ARPC1B: variants seen among roughly 807,000 people sequenced by gnomAD.
ARPC1B encodes the protein actin related protein 2/3 complex subunit 1B.
Under a neutral mutation model 46.0 loss-of-function variants are expected in ARPC1B, and 29 were observed. That is an observed-to-expected ratio of 0.63 (90% confidence interval 0.47 to 0.86). The LOEUF is 0.86. Among genes scored for constraint, ARPC1B ranks in the 40% least tolerant of loss-of-function variants. ARPC1B has a pLI of 0.00. For synonymous variants in ARPC1B, 201 were observed against 213.9 expected (o/e 0.94, Z 0.53); for missense variants, 469 against 529.4 (o/e 0.89, Z 1.12).
chr7:99,388,228 T>A lies in ARPC1B; in HGVS notation c.359T>A (p.Ile120Asn), dbSNP rs1334827777. The A allele has an allele frequency of 6.2e-7, 1 of 1,614,064 alleles. No homozygotes were observed. The highest frequency in any genetic ancestry group is 8.5e-7 in the Non-Finnish European group (1 of 1,179,970). ...KFAVGSGSRV[I>N]SICYFEQEND... ...GCTGTGGGCAGCGGCTCTCGTGTGA[T>A]CTCCATCTGTTATTTCGAGCAGGAG... Residue 120 changes from isoleucine (I) to asparagine (N), a missense_variant, in exon 4 of 10, where the codon ATC becomes AAC. By Grantham distance (149) the Ile-to-Asn change is moderately radical. Transcript: ENST00000646101.
At chr7:99,378,795 G>A (rs867424739) in intron 1 of ARPC1B, among the ~76,000 whole-genome samples, 2 of 16,182 alleles carry the variant, frequency 1.2e-4, no homozygotes, top group African/African-American at 1.3e-3. Context: ...TTTTTTTTTT[G>A]AGATGGAGTC....
intron 1 of ARPC1B, among the ~76,000 whole-genome samples, chr7:99,379,904 G>T (rs1439747081): frequency 6.6e-6 from 1 of 151,464 alleles, no homozygotes; most frequent in African/African-American, 2.4e-5. Context: ...CTCGGCCTCC[G>T]AAAGTGCTGG....
intron 4 of ARPC1B, chr7:99,389,006 A>C (rs894202279): frequency 7.1e-6 from 1 of 140,632 alleles, no homozygotes; most frequent in African/African-American, 2.8e-5. Context: ...GCACAATCTC[A>C]GCTCACCGCA....
chr7:99,377,968 C>T (rs551312846), intron 1 of ARPC1B, among the ~76,000 whole-genome samples: 1 of 152,224 alleles, frequency 6.6e-6, no homozygotes, highest in East Asian at 1.9e-4. Context: ...AATTACGTAG[C>T]ATCTCAACAT....
At chr7:99,388,477 C>A (rs1176209757) in intron 4 of ARPC1B, among the ~76,000 whole-genome samples, 2 of 152,162 alleles carry the variant, frequency 1.3e-5, no homozygotes, top group African/African-American at 4.8e-5. Flanking sequence ...AGAAACACAT[C>A]TGGGGGCACC....
rs780560823 is a variant in ARPC1B at position 99,385,686 on chromosome 7, CCT to C, written c.-13-10_-13-9del. ...TTGGGGCTGACGTGGATTCTCTCTT[CCT>C]CTCTCGGGCACAGGAGCCAAGCCGC... On this transcript the variant is annotated splice_polypyrimidine_tract_variant and intron_variant, in intron 1 of 9. Transcript: ENST00000646101. 9.7e-5 allele frequency: 155 copies of C among 1,600,438 alleles called. No individual in the cohort carries two copies. Among genetic ancestry groups the C allele is most frequent in the African/African-American group, 1.1e-4 (8 of 74,948 alleles).
At chr7:99,375,246 C>A (rs1043192701) in intron 1 of ARPC1B, among the ~76,000 whole-genome samples, 3 of 152,304 alleles carry the variant, frequency 2.0e-5, no homozygotes, top group African/African-American at 7.2e-5. Context: ...CGGGGCCCCA[C>A]ACCCAGTCAC....
intron 1 of ARPC1B, among the ~76,000 whole-genome samples, chr7:99,378,893 CAGCCTCCCGAGTAGCTGGGACT>C (rs1794118860): frequency 6.7e-6 from 1 of 149,246 alleles, no homozygotes. Context: ...TCTCTTGCCT[CAGCCTCCCGAGTAGCTGGGACT>C]ACAGGCGCCC....
At position 99,394,816 on chromosome 7, in the gene ARPC1B, G is replaced by A. The variant is rs553079994; in HGVS notation, c.*327G>A. 3 of 1,231,996 alleles carry A rather than the reference G, an allele frequency of 2.4e-6. No individual in the cohort carries two copies. The highest frequency in any genetic ancestry group is 3.2e-5 in the East Asian group (1 of 31,578). The allele number at this position is 1,231,996 out of a possible 1,614,324, so 76.3% of individuals were successfully genotyped here. A position where few individuals can be genotyped will look rare whatever the true frequency, so the allele number is the denominator to read the frequency against. On this transcript the variant is annotated 3_prime_UTR_variant, in exon 10 of 10. Coordinates refer to ENST00000646101, the MANE Select transcript of ARPC1B (RefSeq NM_005720.4). ...AAAAAAAAAAAGTAATTATGGACAT[G>A]CTTGCCTATGTGGAAGGAGAGGTTT...
chr7:99,378,794 T>G (rs975677174), intron 1 of ARPC1B, among the ~76,000 whole-genome samples: 1 of 144,256 alleles, frequency 6.9e-6, no homozygotes, highest in Non-Finnish European at 1.5e-5. Context: ...TTTTTTTTTT[T>G]GAGATGGAGT....
At chr7:99,381,721 G>GT (rs1794230264) in intron 1 of ARPC1B, among the ~76,000 whole-genome samples, 1 of 152,246 alleles carries the variant, frequency 6.6e-6, no homozygotes, top group African/African-American at 2.4e-5. Flanking sequence ...CTTCCAGGCA[G>GT]TGAGCGCAGG....
At chr7:99,379,805 ATTTTT>A (rs376760661) in intron 1 of ARPC1B, among the ~76,000 whole-genome samples, 1 of 142,012 alleles carries the variant, frequency 7.0e-6, no homozygotes, top group Non-Finnish European at 1.5e-5. Context: ...TGCCTGGCTA[ATTTTT>A]TTTTTTTTTT....
intron 8 of ARPC1B, among the ~76,000 whole-genome samples, 195 bp from the exon 9 acceptor site, chr7:99,393,832 AGT>A (rs1349812658): frequency 6.6e-6 from 1 of 151,786 alleles, no homozygotes; most frequent in African/African-American, 2.4e-5. Context: ...CCAGGACTTG[AGT>A]GTCCTGTCCC....
intron 3 of ARPC1B, among the ~76,000 whole-genome samples, chr7:99,387,449 A>T (rs1794427889): frequency 6.7e-6 from 1 of 149,548 alleles, no homozygotes; most frequent in Non-Finnish European, 1.5e-5. Flanking sequence ...AAACAAAGAA[A>T]GAAAGAGGCC....
chr7:99,386,624 G>A, intron 2 of ARPC1B, 61 bp from the exon 3 acceptor site: 5 of 1,233,370 alleles, frequency 4.1e-6, no homozygotes, highest in Non-Finnish European at 6.0e-6. Context: ...ACTGTGTAGT[G>A]TGTCCTGGCA....
chr7:99,385,620 G>A (rs1389185418), intron 1 of ARPC1B, 82 bp from the exon 2 acceptor site: 11 of 1,243,058 alleles, frequency 8.8e-6, no homozygotes, highest in African/African-American at 4.4e-5. Context: ...AGGCCTGTGA[G>A]GATCATCTGG....
intron 4 of ARPC1B, chr7:99,389,621 TTGTGTGACCTC>T (rs1372082471): frequency 2.7e-6 from 1 of 372,900 alleles, no homozygotes; most frequent in Admixed American, 4.1e-5. Context: ...CAGTTAGTAG[TTGTGTGACCTC>T]TGGTGATGGC....
chr7:99,385,604 G>A, intron 1 of ARPC1B, 98 bp from the exon 2 acceptor site: 1 of 1,040,382 alleles, frequency 9.6e-7, no homozygotes, highest in Non-Finnish European at 1.4e-6. Flanking sequence ...GGGCCTCCCT[G>A]GTGTGAGGCC....
Position 99,385,733 on chromosome 7 carries a change from C to A in ARPC1B, c.19C>A (p.Leu7Met). Residue 7 changes from leucine to methionine, a missense_variant, in exon 2 of 10, where the codon CTG (leucine) becomes ATG (methionine). Leu to Met is a conservative substitution (Grantham distance 15, BLOSUM62 2). Transcript: ENST00000646101. MAYHSF[L>M]VEPISCHAWN... ...AGCCGCCATGGCCTACCACAGCTTC[C>A]TGGTGGAGCCCATCAGCTGCCACGC... 8 of 1,611,202 alleles carry A rather than the reference C, an allele frequency of 5.0e-6. No homozygotes were observed. Among genetic ancestry groups the A allele is most frequent in the Non-Finnish European group, 6.8e-6 (8 of 1,179,502 alleles).
Sources: allele counts gnomAD v4.1 joint callset (sites outside exome capture counted in the v4.1 genomes callset), GRCh38; gene constraint gnomAD v4.1.1; transcripts MANE v1.5; gene names NCBI Gene and HGNC (gene_info 2026-07-23, HGNC 2026-07-21).